FRYL: variants seen among roughly 807,000 people sequenced by gnomAD.
FRYL encodes protein furry homolog-like.
A neutral mutation model predicts 351.2 loss-of-function variants in FRYL; 150 were observed. That is an observed-to-expected ratio of 0.43 (90% CI 0.37 to 0.49). FRYL has a LOEUF of 0.49. Ranked by LOEUF, FRYL falls within the 20% of genes least tolerant of loss-of-function variation. The pLI is 0.00. For missense variants in FRYL, 3,036 were observed against 3,619.3 expected (o/e 0.84, Z 4.13); for synonymous variants, 1,153 against 1,257.1 (o/e 0.92, Z 1.75).
chr4:48,521,518 T>A (rs6853876), intron 54 of FRYL, among the ~76,000 whole-genome samples: 149,877 of 152,334 alleles, frequency 0.98, 73,765 homozygotes, highest in East Asian at 1. Flanking sequence ...GCTGAATTCA[T>A]ATTCATTCAT....
In FRYL at chr4:48,564,966, C is replaced by A; in HGVS notation, c.3408G>T (p.Trp1136Cys). 1.2e-6 allele frequency: 2 copies of A among 1,605,214 alleles called. No homozygotes were observed. The highest frequency in any genetic ancestry group is 1.7e-6 in the Non-Finnish European group (2 of 1,173,376). Reference protein sequence around the residue: ...GLSSDGYLYKWLDNILDSLDK... With the variant: ...GLSSDGYLYKCLDNILDSLDK... ...CCAGAGAATCCAAAATGTTATCCAA[C>A]CATTTGTACAAATAGCCATCTGATG... The change falls in exon 30 of 64, where the codon TGG becomes TGT. Residue 1136 changes from tryptophan to cysteine, a missense_variant. Coordinates refer to ENST00000358350, the MANE Select transcript of FRYL (RefSeq NM_015030.2).
At chr4:48,527,120 ACT>A (rs1726429345) in intron 53 of FRYL, among the ~76,000 whole-genome samples, 1 of 151,954 alleles carries the variant, frequency 6.6e-6, no homozygotes, top group South Asian at 2.1e-4. Context: ...GGTAAGTGCA[ACT>A]CTCTTTAAAG....
At chr4:48,500,916 T>C (rs751234968) in intron 62 of FRYL, among the ~76,000 whole-genome samples, 38 of 151,970 alleles carry the variant, frequency 2.5e-4, no homozygotes, top group Non-Finnish European at 5.1e-4. Flanking sequence ...AAACCCCGTC[T>C]CTACTAAAAA....
intron 7 of FRYL, among the ~76,000 whole-genome samples, chr4:48,615,207 TTAGC>T (rs1281199833): frequency 6.6e-6 from 1 of 152,206 alleles, no homozygotes; most frequent in Non-Finnish European, 1.5e-5. Flanking sequence ...AGCCCAATCA[TTAGC>T]TAAATGACCA....
chr4:48,712,965 T>C (rs531814306), intron 1 of FRYL, among the ~76,000 whole-genome samples: 10 of 152,250 alleles, frequency 6.6e-5, no homozygotes, highest in Admixed American at 2.6e-4. Flanking sequence ...CAGAATTTCA[T>C]ATCCAGCCAA....
intron 3 of FRYL, among the ~76,000 whole-genome samples, chr4:48,662,765 GAAA>G (rs57746767): frequency 6.8e-5 from 9 of 131,626 alleles, no homozygotes; most frequent in Middle Eastern, 3.8e-3. Flanking sequence ...ATCTCCTGAA[GAAA>G]AAAAAAAAAA....
At chr4:48,706,294 GA>G (rs1482678062) in intron 2 of FRYL, among the ~76,000 whole-genome samples, 1 of 152,120 alleles carries the variant, frequency 6.6e-6, no homozygotes, top group Non-Finnish European at 1.5e-5. Context: ...AAATACAATG[GA>G]ATATTATTCA....
At chr4:48,660,307 C>G (rs1760435261) in intron 3 of FRYL, among the ~76,000 whole-genome samples, 1 of 152,160 alleles carries the variant, frequency 6.6e-6, no homozygotes, top group Admixed American at 6.5e-5. Flanking sequence ...AGGAGTTAAC[C>G]TAGCAGGCCT....
intron 1 of FRYL, among the ~76,000 whole-genome samples, chr4:48,743,225 A>G (rs1772314393): frequency 6.6e-6 from 1 of 152,060 alleles, no homozygotes. Flanking sequence ...CTGAATTTAC[A>G]AGCCTTTCAC....
intron 55 of FRYL, among the ~76,000 whole-genome samples, chr4:48,516,086 C>T (rs1314336484): frequency 6.6e-6 from 1 of 152,150 alleles, no homozygotes; most frequent in East Asian, 1.9e-4. Context: ...ACTACAAAAT[C>T]TCATTTTGGC....
chr4:48,685,425 T>C (rs1765049614), intron 2 of FRYL, among the ~76,000 whole-genome samples: 1 of 152,188 alleles, frequency 6.6e-6, no homozygotes, highest in African/African-American at 2.4e-5. Context: ...AGAGTGACAA[T>C]GCTTTTACTA....
chr4:48,605,678 G>A (rs971595580), intron 11 of FRYL, 63 bp downstream of exon 11: 203 of 1,075,020 alleles, frequency 1.9e-4, no homozygotes, highest in Middle Eastern at 4.2e-4. Context: ...AAAAATAAAA[G>A]TATAAGGTTG....
intron 47 of FRYL, among the ~76,000 whole-genome samples, chr4:48,538,309 T>G (rs546012065): frequency 0.019 from 291 of 15,700 alleles, no homozygotes; most frequent in African/African-American, 0.031. Context: ...TTAAAATACA[T>G]GCTTTTAGAA....
At chr4:48,579,493 G>C (rs1271049476) in intron 22 of FRYL, among the ~76,000 whole-genome samples, 1 of 151,998 alleles carries the variant, frequency 6.6e-6, no homozygotes, top group African/African-American at 2.4e-5. Context: ...AACCAAAGAA[G>C]TTCAGGACCA....
At chr4:48,657,067 T>C (rs1487883245) in intron 3 of FRYL, among the ~76,000 whole-genome samples, 1 of 152,212 alleles carries the variant, frequency 6.6e-6, no homozygotes, top group Non-Finnish European at 1.5e-5. Context: ...TTTAGCAAAG[T>C]ATTAACTAGG....
chr4:48,502,705 C>A, intron 61 of FRYL, 123 bp downstream of exon 61: 1 of 647,194 alleles, frequency 1.5e-6, no homozygotes, highest in South Asian at 2.3e-5. Context: ...AAAACTGAAG[C>A]ACATACTACT....
chr4:48,756,878 G>C (rs1182908421), intron 1 of FRYL, among the ~76,000 whole-genome samples: 2 of 152,188 alleles, frequency 1.3e-5, no homozygotes, highest in East Asian at 3.8e-4. Flanking sequence ...AGCCCAGGAG[G>C]TTGAGGCTAC....
At chr4:48,645,122 TTTTATATATATATA>T (rs1250648259) in intron 3 of FRYL, among the ~76,000 whole-genome samples, 3 of 15,030 alleles carry the variant, frequency 2.0e-4, no homozygotes, top group Admixed American at 1.2e-3. Context: ...TGAGCTTTCA[TTTTATATATATATA>T]TATATATATA....
chr4:48,735,182 AAAG>A (rs1273238265), intron 1 of FRYL, among the ~76,000 whole-genome samples: 2 of 92,650 alleles, frequency 2.2e-5, no homozygotes, highest in African/African-American at 4.2e-5. Context: ...ACACTTCTCA[AAAG>A]AAGACATTTA....
Sources: gnomAD v4.1 joint callset for allele counts (sites outside exome capture counted in the v4.1 genomes callset) on GRCh38, gnomAD v4.1.1 for gene constraint, MANE v1.5 for transcripts, NCBI Gene and HGNC (gene_info 2026-07-23, HGNC 2026-07-21) for gene names.